PLPPR5: variants seen among roughly 807,000 people sequenced by gnomAD.
The protein encoded by PLPPR5 is phospholipid phosphatase related 5, also known as phospholipid phosphatase-related protein type 5.
A neutral mutation model predicts 33.9 loss-of-function variants in PLPPR5; 16 were observed. That is an observed-to-expected ratio of 0.47 (90% CI 0.32 to 0.72). The LOEUF (loss-of-function observed/expected upper bound fraction) is 0.72, where lower values mean the gene tolerates loss of function less well. PLPPR5 is among the 30% of genes least tolerant of loss of function. The pLI, the probability that PLPPR5 is intolerant of heterozygous loss-of-function variation, is 0.03. For missense variants in PLPPR5, 301 were observed against 406.7 expected (o/e 0.74, Z 2.23); for synonymous variants, 163 against 150.3 (o/e 1.08, Z -0.62).
At chr1:98,993,070 A>G (rs1348627085) in intron 1 of PLPPR5, among the ~76,000 whole-genome samples, 1 of 152,270 alleles carries the variant, frequency 6.6e-6, no homozygotes, top group East Asian at 1.9e-4. Flanking sequence ...TAATATGTAT[A>G]AAGTAGTTGA....
chr1:98,950,561 G>A (rs1650742373), intron 3 of PLPPR5, among the ~76,000 whole-genome samples: 1 of 152,178 alleles, frequency 6.6e-6, no homozygotes, highest in African/African-American at 2.4e-5. Context: ...CTGTAGCAAT[G>A]CCTTTGAAAC....
intron 1 of PLPPR5, among the ~76,000 whole-genome samples, chr1:98,998,130 G>A (rs1201597264): frequency 6.6e-6 from 1 of 152,094 alleles, no homozygotes; most frequent in Non-Finnish European, 1.5e-5. Context: ...AAAAAGAAAG[G>A]GAGGGAAACA....
chr1:98,900,966 C>A (rs1648675314), intron 5 of PLPPR5, among the ~76,000 whole-genome samples: 1 of 152,120 alleles, frequency 6.6e-6, no homozygotes, highest in South Asian at 2.1e-4. Context: ...TACAACCTGG[C>A]AATCTCACTG....
intron 1 of PLPPR5, among the ~76,000 whole-genome samples, chr1:98,963,424 T>G (rs916388448): frequency 2.6e-5 from 4 of 152,200 alleles, no homozygotes; most frequent in African/African-American, 9.7e-5. Context: ...ACTTCTACTA[T>G]TATAGCACAG....
At chr1:98,897,092 T>C (rs1012068673) in intron 5 of PLPPR5, among the ~76,000 whole-genome samples, 1 of 152,144 alleles carries the variant, frequency 6.6e-6, no homozygotes, top group African/African-American at 2.4e-5. Context: ...TAAAATGTAT[T>C]TGAAAGATTA....
intron 3 of PLPPR5, among the ~76,000 whole-genome samples, chr1:98,933,508 A>G (rs1340112250): frequency 6.7e-6 from 1 of 149,584 alleles, no homozygotes; most frequent in Non-Finnish European, 1.5e-5. Flanking sequence ...AAAGGATTTC[A>G]GAATTAAGAA....
chr1:98,899,676 T>TTTTG (rs1648617723), intron 5 of PLPPR5, among the ~76,000 whole-genome samples: 1 of 150,442 alleles, frequency 6.6e-6, no homozygotes, highest in African/African-American at 2.5e-5. Flanking sequence ...TTTTTTTTTT[T>TTTTG]GAGACGGAAT....
intron 3 of PLPPR5, among the ~76,000 whole-genome samples, chr1:98,930,136 G>A (rs72730330): frequency 0.17 from 26,428 of 152,054 alleles, 2,547 homozygotes; most frequent in Non-Finnish European, 0.22. Flanking sequence ...ACATTTGGGT[G>A]AATTGAAGGG....
chr1:98,964,800 A>G (rs1185921520), intron 1 of PLPPR5, among the ~76,000 whole-genome samples: 1 of 152,028 alleles, frequency 6.6e-6, no homozygotes, highest in African/African-American at 2.4e-5. Context: ...AAGGGCTTTC[A>G]CTGCTTTATT....
rs1403156218 is a variant in PLPPR5 at position 98,893,101 on chromosome 1, G to A, written c.937C>T (p.His313Tyr). The change falls in exon 6 of 6, where the codon CAC (histidine) becomes TAC (tyrosine). Residue 313 changes from histidine (H) to tyrosine (Y), a missense_variant. Transcript: ENST00000263177. ...GTGACTTCTGCGAAGGCAGTGATGT[G>A]GTTCTGCAAAAAGAAAAAGGAATGA... ...PLEKVTSVQN[H>Y]ITAFAEVT 2.5e-6 allele frequency: 4 copies of A among 1,610,858 alleles called. No individual in the cohort carries two copies. Among genetic ancestry groups the A allele is most frequent in the South Asian group, 1.1e-5 (1 of 90,828 alleles).
chr1:98,965,658 C>T (rs746098712), intron 1 of PLPPR5, among the ~76,000 whole-genome samples: 1 of 152,176 alleles, frequency 6.6e-6, no homozygotes, highest in African/African-American at 2.4e-5. Context: ...GATCTACAGT[C>T]CTTGATGACA....
chr1:99,000,921 T>C (rs1652815767), intron 1 of PLPPR5, among the ~76,000 whole-genome samples: 2 of 152,126 alleles, frequency 1.3e-5, no homozygotes, highest in South Asian at 4.1e-4. Flanking sequence ...TTGGAACACA[T>C]GAATTCAATA....
intron 5 of PLPPR5, among the ~76,000 whole-genome samples, chr1:98,912,417 G>C (rs146951586): frequency 6.6e-5 from 10 of 152,198 alleles, no homozygotes; most frequent in Middle Eastern, 3.4e-3. Flanking sequence ...GCTCATCCAG[G>C]GACCCAGACT....
chr1:98,921,568 T>A (rs1489964674), intron 4 of PLPPR5, among the ~76,000 whole-genome samples: 1 of 152,174 alleles, frequency 6.6e-6, no homozygotes, highest in Non-Finnish European at 1.5e-5. Context: ...TTATAGGCAG[T>A]TTTTACCCAG....
intron 1 of PLPPR5, among the ~76,000 whole-genome samples, chr1:98,972,931 G>T (rs947882729): frequency 1.1e-4 from 17 of 152,180 alleles, no homozygotes; most frequent in African/African-American, 3.9e-4. Flanking sequence ...TTTTTTTAAA[G>T]CTAGACATCC....
intron 1 of PLPPR5, among the ~76,000 whole-genome samples, chr1:98,976,215 T>G (rs1029159283): frequency 1.3e-5 from 2 of 149,200 alleles, no homozygotes; most frequent in African/African-American, 4.9e-5. Context: ...AATCCACACA[T>G]AGTAATGAAT....
At position 98,914,839 on chromosome 1, in the gene PLPPR5, T is replaced by G; in HGVS notation, c.880A>C (p.Met294Leu). Reference sequence around the variant, plus strand: ...CTTTCTACTCGAGGAATGCTGATCATTGGCATCTGTGCCAGATTATCCATG... The same window carrying G: ...CTTTCTACTCGAGGAATGCTGATCAGTGGCATCTGTGCCAGATTATCCATG... ...IHMDNLAQMP[M>L]ISIPRVESPL... Residue 294 changes from methionine (M) to leucine (L), a missense_variant, in exon 5 of 6, where the codon ATG becomes CTG. Transcript: ENST00000263177. The G allele has an allele frequency of 6.2e-7, 1 of 1,613,388 alleles. No homozygotes were observed. The highest frequency in any genetic ancestry group is 8.5e-7 in the Non-Finnish European group (1 of 1,179,700).
chr1:98,945,935 T>C (rs1321809799), intron 3 of PLPPR5, among the ~76,000 whole-genome samples: 1 of 152,188 alleles, frequency 6.6e-6, no homozygotes, highest in African/African-American at 2.4e-5. Flanking sequence ...AGAGATTCCC[T>C]AGCAGCTCCA....
chr1:98,925,223 A>G (rs2101167077), intron 3 of PLPPR5, among the ~76,000 whole-genome samples: 1 of 152,298 alleles, frequency 6.6e-6, no homozygotes, highest in African/African-American at 2.4e-5. Context: ...CACTTATGAA[A>G]CCATCTAGGT....
Sources: allele counts gnomAD v4.1 joint callset (sites outside exome capture counted in the v4.1 genomes callset), GRCh38; gene constraint gnomAD v4.1.1; transcripts MANE v1.5; gene names NCBI Gene and HGNC (gene_info 2026-07-23, HGNC 2026-07-21).